Variants in CAMK2D observed in about 807,000 individuals in gnomAD.
CAMK2D encodes the protein calcium/calmodulin-dependent protein kinase type II subunit delta.
Under a neutral mutation model 84.0 loss-of-function variants are expected in CAMK2D, and 37 were observed. The observed-to-expected ratio is 0.44, with a 90% confidence interval of 0.34 to 0.58. CAMK2D has a LOEUF of 0.58. CAMK2D is among the 20% of genes least tolerant of loss of function. CAMK2D has a pLI of 0.02. For synonymous variants in CAMK2D, 202 were observed against 212.5 expected (o/e 0.95, Z 0.43); for missense variants, 448 against 652.5 (o/e 0.69, Z 3.41).
intron 5 of CAMK2D, 27 bp from the exon 6 acceptor site, chr4:113,547,743 G>A (rs781735067): frequency 6.7e-7 from 1 of 1,484,564 alleles, no homozygotes; most frequent in Non-Finnish European, 9.1e-7. Context: ...GGGGGCGTGT[G>A]TTAGTTCCAA....
At chr4:113,563,440 T>C (rs1284446429) in intron 4 of CAMK2D, among the ~76,000 whole-genome samples, 5 of 152,292 alleles carry the variant, frequency 3.3e-5, no homozygotes, top group Non-Finnish European at 7.4e-5. Flanking sequence ...TTGTCTCTCA[T>C]AGAATCCTCA....
chr4:113,535,744 C>T (rs943592603), intron 7 of CAMK2D, among the ~76,000 whole-genome samples: 9 of 152,192 alleles, frequency 5.9e-5, no homozygotes, highest in East Asian at 3.9e-4. Context: ...TCCCATTCAT[C>T]CTTTAGGCAA....
At chr4:113,521,178 T>C (rs1026439708) in intron 8 of CAMK2D, among the ~76,000 whole-genome samples, 23 of 151,784 alleles carry the variant, frequency 1.5e-4, no homozygotes, top group South Asian at 2.1e-4. Context: ...TAGCCAGTTT[T>C]TAAAATAACG....
chr4:113,747,609 T>A (rs2099607555), intron 2 of CAMK2D, among the ~76,000 whole-genome samples: 1 of 152,132 alleles, frequency 6.6e-6, no homozygotes, highest in Non-Finnish European at 1.5e-5. Flanking sequence ...CCTTTTAAAG[T>A]ACTAGCCGAT....
At chr4:113,496,446 C>CTTTTTTTT (rs543371495) in intron 16 of CAMK2D, among the ~76,000 whole-genome samples, 1 of 120,706 alleles carries the variant, frequency 8.3e-6, no homozygotes. Context: ...CTCCCATTTG[C>CTTTTTTTT]TTTTTTTTTT....
chr4:113,500,509 C>T lies in CAMK2D; in HGVS notation c.1089G>A (p.Glu363=). The change falls in exon 16 of 21, where the codon GAG becomes GAA. Residue 363 remains glutamate, a splice_region_variant and synonymous_variant. Coordinates refer to ENST00000511664, the MANE Select transcript of CAMK2D (RefSeq NM_001321571.2). ...TTGTTGTATTTGAACTCTCAGTTGA[C>T]TCCTGATGAGAAGAAAACACATTTT... ...TVIHNPDGNK[E]STESSNTTIE... The T allele has an allele frequency of 6.3e-7, 1 of 1,594,314 alleles. No individual in the cohort carries two copies. The highest frequency in any genetic ancestry group is 8.6e-7 in the Non-Finnish European group (1 of 1,165,540).
intron 4 of CAMK2D, among the ~76,000 whole-genome samples, chr4:113,567,889 A>T (rs2098733332): frequency 6.6e-6 from 1 of 152,220 alleles, no homozygotes; most frequent in Non-Finnish European, 1.5e-5. Flanking sequence ...TTGCTTCAAA[A>T]CAACGAGTCC....
chr4:113,719,859 C>T (rs113446313), intron 2 of CAMK2D, among the ~76,000 whole-genome samples: 8 of 151,872 alleles, frequency 5.3e-5, no homozygotes, highest in Non-Finnish European at 7.4e-5. Flanking sequence ...AAAATGTAAC[C>T]GAATAGAAAG....
At chr4:113,535,476 A>G (rs2098483488) in intron 7 of CAMK2D, among the ~76,000 whole-genome samples, 1 of 152,150 alleles carries the variant, frequency 6.6e-6, no homozygotes, top group Non-Finnish European at 1.5e-5. Flanking sequence ...TTATTAAACA[A>G]CATACACCCA....
intron 16 of CAMK2D, among the ~76,000 whole-genome samples, chr4:113,479,188 G>A (rs999952388): frequency 1.3e-5 from 2 of 152,240 alleles, no homozygotes; most frequent in South Asian, 2.1e-4. Context: ...ATATGTTATC[G>A]TTCTTGAGAT....
intron 2 of CAMK2D, among the ~76,000 whole-genome samples, chr4:113,703,815 C>T (rs2099430182): frequency 6.6e-6 from 1 of 151,934 alleles, no homozygotes; most frequent in Non-Finnish European, 1.5e-5. Flanking sequence ...CACAATCTTT[C>T]ATGATGAATG....
intron 2 of CAMK2D, among the ~76,000 whole-genome samples, chr4:113,699,894 A>G (rs2099412962): frequency 6.6e-6 from 1 of 152,188 alleles, no homozygotes; most frequent in African/African-American, 2.4e-5. Context: ...GATAATACAA[A>G]TGTTCCTTAG....
intron 2 of CAMK2D, among the ~76,000 whole-genome samples, chr4:113,727,765 T>C (rs1353077601): frequency 1.3e-5 from 2 of 152,164 alleles, no homozygotes; most frequent in Non-Finnish European, 2.9e-5. Context: ...GTAATACATA[T>C]ATCTGACACG....
At chr4:113,686,785 A>T (rs1275710688) in intron 2 of CAMK2D, among the ~76,000 whole-genome samples, 2 of 152,080 alleles carry the variant, frequency 1.3e-5, no homozygotes, top group African/African-American at 2.4e-5. Context: ...TTAGTGTGAG[A>T]TTTTACGCCA....
Position 113,499,015 on chromosome 4 carries a change from G to A in CAMK2D, c.1135+1448C>T, listed in dbSNP as rs971888146. On this transcript the variant is annotated intron_variant, in intron 16 of 20. Transcript: ENST00000511664. ...AGTTTCTCCAGTGGACAATGAACAA[G>A]TTTTCTTAGTCTTGCTCAAGGGAAG... 5.9e-5 allele frequency among the ~76,000 whole-genome samples: 9 copies of A among 152,120 alleles called. No homozygotes were observed. In the South Asian group the frequency reaches 1.0e-3, roughly 18 times the overall value.
intron 3 of CAMK2D, among the ~76,000 whole-genome samples, chr4:113,637,492 A>G (rs983176835): frequency 2.6e-5 from 4 of 152,236 alleles, no homozygotes; most frequent in Non-Finnish European, 4.4e-5. Flanking sequence ...CAAGTTTCAT[A>G]AACTTGTGAG....
intron 8 of CAMK2D, 72 bp from the exon 9 acceptor site, chr4:113,517,729 A>T: frequency 1.4e-6 from 1 of 736,730 alleles, no homozygotes; most frequent in Non-Finnish European, 2.4e-6. Flanking sequence ...GCTGATCCAC[A>T]ATGATATTAA....
chr4:113,666,810 T>G (rs2099259208), intron 2 of CAMK2D, among the ~76,000 whole-genome samples: 1 of 152,150 alleles, frequency 6.6e-6, no homozygotes, highest in South Asian at 2.1e-4. Flanking sequence ...CTATCACTAA[T>G]TTTTACCTTG....
In CAMK2D at chr4:113,572,674, G is replaced by A. The variant is rs561855588; in HGVS notation, c.276-20578C>T. ...TGGGGAGAAAGAGAAACCCTTATGCGTTGTTGGTGGCAGTGTAAATTAGTT... is the reference window on the plus strand; with the variant it reads ...TGGGGAGAAAGAGAAACCCTTATGCATTGTTGGTGGCAGTGTAAATTAGTT... On this transcript the variant is annotated intron_variant, in intron 4 of 20. Coordinates refer to ENST00000511664, the MANE Select transcript of CAMK2D (RefSeq NM_001321571.2). Among the ~76,000 whole-genome samples, 7 of 152,288 alleles carry A rather than the reference G, an allele frequency of 4.6e-5. No homozygotes were observed. The South Asian group carries it at 6.2e-4, about 14-fold the overall frequency.
Sources: gnomAD v4.1 joint callset for allele counts (sites outside exome capture counted in the v4.1 genomes callset) on GRCh38, gnomAD v4.1.1 for gene constraint, MANE v1.5 for transcripts, NCBI Gene and HGNC (gene_info 2026-07-23, HGNC 2026-07-21) for gene names.